Variants in JAKMIP1 observed in about 807,000 individuals in gnomAD.
The protein encoded by JAKMIP1 is janus kinase and microtubule-interacting protein 1.
In JAKMIP1, 33 loss-of-function variants were observed where a neutral mutation model predicts 113.0. That is an observed-to-expected ratio of 0.29 (90% CI 0.22 to 0.39). The LOEUF (loss-of-function observed/expected upper bound fraction) is 0.39, where lower values mean the gene tolerates loss of function less well. Among genes scored for constraint, JAKMIP1 ranks in the 10% least tolerant of loss-of-function variants. JAKMIP1 has a pLI of 1.00. For missense variants in JAKMIP1, 813 were observed against 1,080.5 expected, an observed-to-expected ratio of 0.75 and a Z score of 3.47; for synonymous variants, 480 against 459.9, an observed-to-expected ratio of 1.04 and a Z score of -0.56.
At chr4:6,057,899 G>C (rs1302951062) in intron 11 of JAKMIP1, among the ~76,000 whole-genome samples, 1 of 152,246 alleles carries the variant, frequency 6.6e-6, no homozygotes. Context: ...CTGAGGTGGA[G>C]GCACCTGGCC....
At chr4:6,123,278 C>G (rs1326148541) in intron 1 of JAKMIP1, among the ~76,000 whole-genome samples, 1 of 152,188 alleles carries the variant, frequency 6.6e-6, no homozygotes, top group East Asian at 1.9e-4. Flanking sequence ...GTAGGCAAAG[C>G]CCCCGTCCCA....
intron 1 of JAKMIP1, among the ~76,000 whole-genome samples, chr4:6,125,602 CACACACACACACACCATACAGAA>C (rs1717320434): frequency 6.8e-6 from 1 of 147,442 alleles, no homozygotes; most frequent in East Asian, 2.0e-4. Context: ...TGCAGAAACA[CACACACACACACACCATACAGAA>C]ACACACACAC....
At position 6,129,836 on chromosome 4, in the gene JAKMIP1, C is replaced by G. The variant is rs749523632; in HGVS notation, c.-147-16839G>C. The stretch of plus-strand genomic sequence containing the variant: ...TGCCACCATCACCTGTCACTGTCCC[C>G]CAGTCAAAGAATCATCACGTTCACC... On this transcript the variant is annotated intron_variant, in intron 1 of 20. Transcript: ENST00000409021. The surrounding 1 kb of genome is among the most constrained non-coding windows in gnomAD (Gnocchi z 5.4). 5.3e-5 allele frequency among the ~76,000 whole-genome samples: 8 copies of G among 152,206 alleles called. No individual in the cohort carries two copies. Among genetic ancestry groups the G allele is most frequent in the Non-Finnish European group, 1.2e-4 (8 of 68,042 alleles).
At chr4:6,072,112 G>A (rs914364509) in intron 8 of JAKMIP1, among the ~76,000 whole-genome samples, 51 of 152,316 alleles carry the variant, frequency 3.3e-4, no homozygotes, top group African/African-American at 1.2e-3. Context: ...TATGTAAAGT[G>A]TTGATTTACT....
chr4:6,070,085 G>T, intron 8 of JAKMIP1: 1 of 398,850 alleles, frequency 2.5e-6, no homozygotes. Context: ...TCTCCTGGCA[G>T]CCAGAGAAGT....
chr4:6,048,071 G>T (rs552952321), intron 16 of JAKMIP1, among the ~76,000 whole-genome samples: 2 of 152,252 alleles, frequency 1.3e-5, no homozygotes, highest in Admixed American at 6.5e-5. Context: ...GGAAGGAGAA[G>T]AAAATAGATA....
chr4:6,118,257 T>G (rs1182804707), intron 1 of JAKMIP1, among the ~76,000 whole-genome samples: 1 of 152,210 alleles, frequency 6.6e-6, no homozygotes, highest in Non-Finnish European at 1.5e-5. Context: ...GTCCCTCCGT[T>G]TGGGGTCCCT....
chr4:6,127,410 A>G lies in JAKMIP1; in HGVS notation c.-147-14413T>C, dbSNP rs573142243. 5.3e-5 allele frequency among the ~76,000 whole-genome samples: 8 copies of G among 152,304 alleles called. No homozygotes were observed. The South Asian group carries it at 1.2e-3, about 24-fold the overall frequency. On this transcript the variant is annotated intron_variant, in intron 1 of 20. Transcript: ENST00000409021. ...TGGAAGGAAAGATGGGAAGCAGAGG[A>G]GATGGGAGAGACTGTGCCAGGGGAA...
intron 19 of JAKMIP1, among the ~76,000 whole-genome samples, chr4:6,035,316 A>G (rs1713264927): frequency 6.6e-6 from 1 of 152,062 alleles, no homozygotes; most frequent in South Asian, 2.1e-4. Context: ...TCCATGAGAT[A>G]AAGGATCTGC....
intron 1 of JAKMIP1, among the ~76,000 whole-genome samples, chr4:6,170,277 T>C (rs111203630): frequency 0.17 from 15,616 of 92,832 alleles, 1,104 homozygotes; most frequent in African/African-American, 0.29. Context: ...ACCACCACCA[T>C]CACCACCACC....
intron 1 of JAKMIP1, among the ~76,000 whole-genome samples, chr4:6,196,139 G>A (rs1727804101): frequency 6.6e-6 from 1 of 152,146 alleles, no homozygotes; most frequent in Non-Finnish European, 1.5e-5. Context: ...CCCACACTCT[G>A]AACTGCCTCT....
In JAKMIP1 at chr4:6,168,327, A is replaced by T. The variant is rs1227383409; in HGVS notation, c.-148+31926T>A. Among the ~76,000 whole-genome samples the T allele has an allele frequency of 6.6e-6, 1 of 152,232 alleles. No homozygotes were observed. Among genetic ancestry groups the T allele is most frequent in the Non-Finnish European group, 1.5e-5 (1 of 68,032 alleles). Reference sequence around the variant, plus strand: ...GATGGGAAAACATATGTGCACACAAAAACATGTACACAAACATTCATGGCA... The same window carrying T: ...GATGGGAAAACATATGTGCACACAATAACATGTACACAAACATTCATGGCA... On this transcript the variant is annotated intron_variant, in intron 1 of 20. Coordinates refer to ENST00000409021, the MANE Select transcript of JAKMIP1 (RefSeq NM_001099433.2). The surrounding 1 kb of genome is among the most constrained non-coding windows in gnomAD (Gnocchi z 4.6).
intron 1 of JAKMIP1, among the ~76,000 whole-genome samples, chr4:6,130,496 C>CA (rs1201768678): frequency 6.6e-6 from 1 of 152,054 alleles, no homozygotes. Context: ...TGGCTCTCAA[C>CA]AAAAAACATT....
chr4:6,058,639 T>A (rs531975416), intron 11 of JAKMIP1, among the ~76,000 whole-genome samples: 1 of 152,342 alleles, frequency 6.6e-6, no homozygotes, highest in African/African-American at 2.4e-5. Context: ...GACACAGCAG[T>A]AAGGAACCAA....
chr4:6,028,374 A>G (rs1382296199), intron 20 of JAKMIP1, among the ~76,000 whole-genome samples: 1 of 152,230 alleles, frequency 6.6e-6, no homozygotes, highest in African/African-American at 2.4e-5. Context: ...CCCTGCGCAC[A>G]GATCCTCGGT....
chr4:6,036,896 C>A (rs1713520193), intron 18 of JAKMIP1, among the ~76,000 whole-genome samples: 1 of 151,990 alleles, frequency 6.6e-6, no homozygotes, highest in Non-Finnish European at 1.5e-5. Flanking sequence ...AAACATGGTA[C>A]TGAGGCAGAG....
chr4:6,197,319 T>C lies in JAKMIP1; in HGVS notation c.-148+2934A>G, dbSNP rs912635012. ...ACTGCTCTGATCATTAGTTTCATCG[T>C]TAGCTAAAGAAGGACCCCAAATGTG... On this transcript the variant is annotated intron_variant, in intron 1 of 20. Coordinates refer to ENST00000409021, the MANE Select transcript of JAKMIP1 (RefSeq NM_001099433.2). This position sits in a 1 kb window ranked among gnomAD's most constrained non-coding sequence, Gnocchi z 6.5. 6.6e-6 allele frequency among the ~76,000 whole-genome samples: 1 copy of C among 152,170 alleles called. No individual in the cohort carries two copies. The highest frequency in any genetic ancestry group is 1.5e-5 in the Non-Finnish European group (1 of 68,040).
intron 3 of JAKMIP1, among the ~76,000 whole-genome samples, chr4:6,096,170 CTCTTT>C (rs1296752116): frequency 1.3e-5 from 2 of 152,202 alleles, no homozygotes; most frequent in Non-Finnish European, 2.9e-5. Flanking sequence ...CTGCTGTCTT[CTCTTT>C]TGACACTTAA....
chr4:6,152,037 G>A (rs1489376932), intron 1 of JAKMIP1, among the ~76,000 whole-genome samples: 1 of 151,756 alleles, frequency 6.6e-6, no homozygotes, highest in Non-Finnish European at 1.5e-5. Context: ...CTCAGGGTTG[G>A]AAAGGAGAAA....
Sources: gnomAD v4.1 joint callset for allele counts (sites outside exome capture counted in the v4.1 genomes callset) on GRCh38, gnomAD v4.1.1 for gene constraint, Gnocchi (gnomAD v3.1) non-coding constraint, MANE v1.5 for transcripts, NCBI Gene and HGNC (gene_info 2026-07-23, HGNC 2026-07-21) for gene names.